The following RRM2 variants were observed in gnomAD, a reference collection of about 807,000 sequenced individuals.
RRM2 encodes the protein ribonucleotide reductase regulatory subunit M2.
A neutral mutation model predicts 45.9 loss-of-function variants in RRM2; 6 were observed. That is an observed-to-expected ratio of 0.13 (90% confidence interval 0.07 to 0.26). RRM2 has a LOEUF of 0.26. Ranked by LOEUF, RRM2 falls within the 10% of genes least tolerant of loss-of-function variation. The pLI is 1.00. For missense variants in RRM2, 343 were observed against 489.5 expected, an observed-to-expected ratio of 0.70 and a Z score of 2.82; for synonymous variants, 177 against 173.0, an observed-to-expected ratio of 1.02 and a Z score of -0.18.
chr2:10,139,490 C>T (rs1012108865), upstream of RRM2, among the ~76,000 whole-genome samples: 7 of 152,120 alleles, frequency 4.6e-5, no homozygotes, highest in Non-Finnish European at 1.0e-4. Context: ...GGACTTTTGC[C>T]ACTGTGAGCT....
At chr2:10,141,965 C>T (rs372909793) in intron 2 of RRM2, 34 of 1,572,010 alleles carry the variant, frequency 2.2e-5, no homozygotes, top group African/African-American at 1.6e-4. Flanking sequence ...GTAAGTCAGA[C>T]GGTGACAAGC....
At position 10,192,548 on chromosome 2, in the gene RRM2, T is replaced by G. The variant is rs867685316; in HGVS notation, n.483-17763T>G. On this transcript the variant is annotated intron_variant and non_coding_transcript_variant, in intron 3 of 3. Transcript: ENST00000381786. The stretch of plus-strand genomic sequence containing the variant: ...TTTCAATCCCCTGGTGTGAGAGCAG[T>G]CTCAGGTAGCCCAAGCCTAAGTGGA... 8 of 154,664 alleles carry G rather than the reference T, an allele frequency of 5.2e-5. 1 individual carries two copies. The Middle Eastern group carries it at 3.1e-3, about 61-fold the overall frequency. The allele number at this position is 154,664 out of a possible 1,614,324, so 9.6% of individuals were successfully genotyped here.
chr2:10,210,492 A>G (rs1440760101), exon 4 of RRM2: 2 of 1,367,814 alleles, frequency 1.5e-6, no homozygotes, highest in Admixed American at 3.8e-5. Context: ...CCAAGAATGC[A>G]CAGAGGGCGC....
chr2:10,151,447 A>G (rs1663310529), intron 3 of RRM2, among the ~76,000 whole-genome samples: 1 of 151,296 alleles, frequency 6.6e-6, no homozygotes. Flanking sequence ...ACAGGTGCCC[A>G]CCAACAGCCC....
At chr2:10,189,975 ATGATGGTGG>A (rs1664249988) in intron 3 of RRM2, among the ~76,000 whole-genome samples, 1 of 150,850 alleles carries the variant, frequency 6.6e-6, no homozygotes, top group Admixed American at 6.6e-5. Flanking sequence ...AGTGATGGTG[ATGATGGTGG>A]TGATGGTACT....
intron 3 of RRM2, among the ~76,000 whole-genome samples, chr2:10,174,858 C>T (rs1411388488): frequency 3.6e-5 from 5 of 139,572 alleles, no homozygotes; most frequent in Non-Finnish European, 6.2e-5. Flanking sequence ...CAGAGTGAGA[C>T]TCAAAAATGG....
chr2:10,130,312 A>T lies in RRM2; in HGVS notation c.*926A>T, dbSNP rs545368074. On this transcript the variant is annotated 3_prime_UTR_variant, in exon 10 of 10. Coordinates refer to ENST00000304567, the MANE Select transcript of RRM2 (RefSeq NM_001034.4). ...TTTCAAGTCATCCTTAAACAAAATG[A>T]TCCACCTAAGATCTTGCCCCTGTTA... The T allele has an allele frequency of 6.6e-6, 1 of 152,342 alleles. No homozygotes were observed. Among genetic ancestry groups the T allele is most frequent in the East Asian group, 1.9e-4 (1 of 5,184 alleles). 9.4% of individuals were successfully genotyped at this position (152,342 alleles called of 1,614,324 possible). A position where few individuals can be genotyped will look rare whatever the true frequency, so the allele number is the denominator to read the frequency against.
At chr2:10,193,759 C>G (rs943140964) in intron 3 of RRM2, among the ~76,000 whole-genome samples, 12 of 152,194 alleles carry the variant, frequency 7.9e-5, no homozygotes, top group African/African-American at 2.9e-4. Flanking sequence ...TCAGGATGTC[C>G]CAGCAGAGCC....
At chr2:10,149,764 A>T (rs1340446630) in intron 3 of RRM2, among the ~76,000 whole-genome samples, 1 of 152,140 alleles carries the variant, frequency 6.6e-6, no homozygotes, top group African/African-American at 2.4e-5. Flanking sequence ...TTTGCCTGCA[A>T]GTGTGGCTTG....
intron 3 of RRM2, among the ~76,000 whole-genome samples, chr2:10,177,245 C>CAATAAAATAA (rs147084579): frequency 6.0e-5 from 9 of 148,772 alleles, no homozygotes; most frequent in Admixed American, 2.0e-4. Context: ...GATTTCGCTT[C>CAATAAAATAA]AATAAAATAA....
At chr2:10,198,142 C>T (rs748048671) in intron 3 of RRM2, among the ~76,000 whole-genome samples, 3 of 152,214 alleles carry the variant, frequency 2.0e-5, no homozygotes, top group Admixed American at 6.5e-5. Context: ...ACATCCCTTT[C>T]GGGGCTATGC....
At chr2:10,154,691 CT>C (rs70948874) in intron 3 of RRM2, among the ~76,000 whole-genome samples, 742 of 95,718 alleles carry the variant, frequency 7.8e-3, no homozygotes, top group Non-Finnish European at 0.011. Context: ...AGTCCTGATT[CT>C]TTTTTTTTTT....
intron 3 of RRM2, among the ~76,000 whole-genome samples, chr2:10,198,356 G>A (rs187552833): frequency 1.3e-5 from 2 of 152,052 alleles, no homozygotes; most frequent in African/African-American, 4.8e-5. Context: ...CTGAGCTCAC[G>A]GGAGCTGGGA....
At chr2:10,173,311 C>T (rs970010859) in intron 3 of RRM2, among the ~76,000 whole-genome samples, 7 of 152,126 alleles carry the variant, frequency 4.6e-5, no homozygotes, top group Non-Finnish European at 8.8e-5. Context: ...TTATTTGGTT[C>T]CCCTGTCCTT....
chr2:10,187,651 C>A (rs1389930136), intron 3 of RRM2, among the ~76,000 whole-genome samples: 5 of 152,118 alleles, frequency 3.3e-5, no homozygotes, highest in African/African-American at 1.2e-4. Flanking sequence ...TTACTCTGAG[C>A]CCAGCCTTCC....
intron 3 of RRM2, among the ~76,000 whole-genome samples, chr2:10,199,792 A>AACAAAAAAAC (rs1553329409): frequency 8.8e-6 from 1 of 113,158 alleles, no homozygotes; most frequent in Non-Finnish European, 2.2e-5. Flanking sequence ...AAAAAAAAAA[A>AACAAAAAAAC]AAAAAAAAAA....
chr2:10,136,257 T>C (rs576356807), downstream of RRM2, among the ~76,000 whole-genome samples: 3 of 152,260 alleles, frequency 2.0e-5, no homozygotes, highest in Admixed American at 2.0e-4. Context: ...GAGGCCCAGA[T>C]GATACCAGGT....
intron 3 of RRM2, among the ~76,000 whole-genome samples, chr2:10,192,429 C>T (rs1664327939): frequency 6.6e-6 from 1 of 152,186 alleles, no homozygotes; most frequent in African/African-American, 2.4e-5. Context: ...GCTCGGGGAG[C>T]TCCAGCTCTG....
chr2:10,202,452 A>G (rs1462681171), intron 3 of RRM2, among the ~76,000 whole-genome samples: 1 of 152,232 alleles, frequency 6.6e-6, no homozygotes, highest in Non-Finnish European at 1.5e-5. Context: ...TATTTTGGAG[A>G]ATAAACCTGA....
Sources: allele counts gnomAD v4.1 joint callset (sites outside exome capture counted in the v4.1 genomes callset), GRCh38; gene constraint gnomAD v4.1.1; transcripts MANE v1.5; gene names NCBI Gene and HGNC (gene_info 2026-07-23, HGNC 2026-07-21).